UNC13C: variants seen among roughly 807,000 people sequenced by gnomAD.
The protein encoded by UNC13C is protein unc-13 homolog C.
UNC13C carries 174 observed loss-of-function variants against 245.4 expected under a neutral mutation model. The ratio of observed to expected loss-of-function variants is 0.71; its 90% CI spans 0.63 to 0.80. The LOEUF (loss-of-function observed/expected upper bound fraction) is 0.80, where lower values mean the gene tolerates loss of function less well. Among genes scored for constraint, UNC13C ranks in the 30% least tolerant of loss-of-function variants. UNC13C has a pLI of 0.00. For missense variants in UNC13C, 2,829 were observed against 2,602.9 expected, an observed-to-expected ratio of 1.09 and a Z score of -1.89; for synonymous variants, 992 against 895.1, an observed-to-expected ratio of 1.11 and a Z score of -1.93.
At chr15:54,061,336 C>T (rs965439160) in intron 2 of UNC13C, among the ~76,000 whole-genome samples, 1 of 152,046 alleles carries the variant, frequency 6.6e-6, no homozygotes, top group African/African-American at 2.4e-5. Flanking sequence ...TCTGCTCCCT[C>T]AGAATTTAGG....
At chr15:53,899,485 C>T in the UNC13C span, among the ~76,000 whole-genome samples, 49 of 152,370 alleles carry the variant, frequency 3.2e-4, no homozygotes, top group Middle Eastern at 3.4e-3. Flanking sequence ...CCAAACTTCT[C>T]TTCCTGAATT....
intron 1 of UNC13C, among the ~76,000 whole-genome samples, chr15:53,994,965 G>A (rs1595690224): frequency 6.6e-6 from 1 of 152,056 alleles, no homozygotes; most frequent in Non-Finnish European, 1.5e-5. Context: ...ATAAGATTTA[G>A]AAACTGGTTA....
the UNC13C span, among the ~76,000 whole-genome samples, chr15:53,961,337 T>C: frequency 6.6e-6 from 1 of 152,258 alleles, no homozygotes; most frequent in Admixed American, 6.5e-5. Flanking sequence ...GCTTCACCTC[T>C]CAGGAAGTTA....
intron 4 of UNC13C, among the ~76,000 whole-genome samples, chr15:54,184,270 TTTATTA>T (rs1253229058): frequency 6.6e-6 from 1 of 151,990 alleles, no homozygotes; most frequent in Non-Finnish European, 1.5e-5. Flanking sequence ...ATTTATTTAT[TTTATTA>T]TTATTATACT....
rs184650979 is a variant in UNC13C, at chr15:54,251,540, A to G, written c.3448+1096A>G. 3.3e-5 allele frequency among the ~76,000 whole-genome samples: 5 copies of G among 152,324 alleles called. No homozygotes were observed. The East Asian group carries it at 9.6e-4, about 29-fold the overall frequency. ...AGTTACCTTAAATTTTTCATTTCCA[A>G]AAAAATCCTTTATTTGTTACTTTAG... On this transcript the variant is annotated intron_variant, in intron 8 of 32. Coordinates refer to ENST00000260323, the MANE Select transcript of UNC13C (RefSeq NM_001080534.3).
intron 13 of UNC13C, among the ~76,000 whole-genome samples, chr15:54,305,283 G>GCTCAATTAAATAATAATTAAAAAA (rs2037696606): frequency 6.6e-6 from 1 of 152,044 alleles, no homozygotes; most frequent in Admixed American, 6.6e-5. Flanking sequence ...AGCTGATATA[G>GCTCAATTAAATAATAATTAAAAAA]GGGTCTATGT....
chr15:54,310,768 ATCTATATC>A (rs1020440377), intron 13 of UNC13C, among the ~76,000 whole-genome samples: 8 of 151,058 alleles, frequency 5.3e-5, no homozygotes, highest in Admixed American at 1.3e-4. Context: ...CTATATCTAT[ATCTATATC>A]TATATATATG....
intron 10 of UNC13C, among the ~76,000 whole-genome samples, chr15:54,282,556 G>A (rs886668052): frequency 7.2e-5 from 11 of 152,100 alleles, no homozygotes; most frequent in Non-Finnish European, 1.6e-4. Flanking sequence ...CCCCAGAGGG[G>A]GTGTTACAGT....
intron 30 of UNC13C, among the ~76,000 whole-genome samples, chr15:54,580,076 A>C (rs1898134188): frequency 6.6e-6 from 1 of 152,180 alleles, no homozygotes; most frequent in African/African-American, 2.4e-5. Context: ...TACTCTTCAA[A>C]TCACTGAGTC....
At chr15:54,129,160 T>C (rs552346761) in intron 2 of UNC13C, among the ~76,000 whole-genome samples, 5 of 152,244 alleles carry the variant, frequency 3.3e-5, no homozygotes, top group Non-Finnish European at 5.9e-5. Context: ...AGAGTAGGTC[T>C]ATTTTTCCTG....
At chr15:54,436,101 T>A (rs1408798907) in intron 19 of UNC13C, among the ~76,000 whole-genome samples, 1 of 151,994 alleles carries the variant, frequency 6.6e-6, no homozygotes, top group Admixed American at 6.6e-5. Context: ...CTGGAGAGGA[T>A]GTGGAGAAAT....
intron 18 of UNC13C, among the ~76,000 whole-genome samples, chr15:54,400,627 A>C (rs1444535510): frequency 6.6e-6 from 1 of 152,124 alleles, no homozygotes; most frequent in Non-Finnish European, 1.5e-5. Flanking sequence ...GTTAACCTTG[A>C]TTAGTGCTGA....
At chr15:54,233,912 A>G (rs1194657139) in intron 4 of UNC13C, among the ~76,000 whole-genome samples, 1 of 152,184 alleles carries the variant, frequency 6.6e-6, no homozygotes, top group East Asian at 1.9e-4. Context: ...AAGTAAGCAT[A>G]AGGAGAAGCT....
intron 4 of UNC13C, among the ~76,000 whole-genome samples, chr15:54,168,231 C>T (rs1376505500): frequency 6.9e-6 from 1 of 145,416 alleles, no homozygotes; most frequent in Non-Finnish European, 1.5e-5. Context: ...CCCATGTTGT[C>T]TTTAAAAAGT....
At chr15:54,042,056 A>G (rs1222606658) in intron 2 of UNC13C, among the ~76,000 whole-genome samples, 2 of 152,186 alleles carry the variant, frequency 1.3e-5, no homozygotes, top group Non-Finnish European at 2.9e-5. Context: ...TGTGAGCACC[A>G]ACAAGATGCT....
intron 19 of UNC13C, among the ~76,000 whole-genome samples, chr15:54,470,750 T>A (rs181820100): frequency 1.2e-4 from 18 of 151,576 alleles, no homozygotes; most frequent in African/African-American, 4.3e-4. Flanking sequence ...TCCATTTATT[T>A]ATGCTTTGAT....
intron 17 of UNC13C, among the ~76,000 whole-genome samples, chr15:54,360,750 G>T (rs2039211920): frequency 6.6e-6 from 1 of 152,004 alleles, no homozygotes; most frequent in East Asian, 1.9e-4. Flanking sequence ...AGTATTCTTG[G>T]TTGGCAGGTT....
chr15:54,491,160 G>C (rs1457330767), intron 19 of UNC13C, among the ~76,000 whole-genome samples: 1 of 152,186 alleles, frequency 6.6e-6, no homozygotes, highest in African/African-American at 2.4e-5. Flanking sequence ...AAATGAAACT[G>C]AGTTGCTTTT....
the UNC13C span, among the ~76,000 whole-genome samples, chr15:53,871,391 A>T: frequency 0.62 from 94,936 of 152,006 alleles, 29,694 homozygotes; most frequent in East Asian, 0.68. Context: ...TTCAGCTTAC[A>T]TCTTGATTCT....
Sources: gnomAD v4.1 joint callset for allele counts (sites outside exome capture counted in the v4.1 genomes callset) on GRCh38, gnomAD v4.1.1 for gene constraint, MANE v1.5 for transcripts, NCBI Gene and HGNC (gene_info 2026-07-23, HGNC 2026-07-21) for gene names.